TRIM11: variants seen among roughly 807,000 people sequenced by gnomAD.
The protein encoded by TRIM11 is tripartite motif containing 11.
In TRIM11, 15 loss-of-function variants were observed where a neutral mutation model predicts 33.4. The observed-to-expected ratio is 0.45, with a 90% CI of 0.30 to 0.69. The LOEUF is 0.69. TRIM11 is among the 30% of genes least tolerant of loss of function. The pLI, the probability that TRIM11 is intolerant of heterozygous loss-of-function variation, is 0.08. For missense variants in TRIM11, 499 were observed against 667.6 expected, an observed-to-expected ratio of 0.75 and a Z score of 2.78; for synonymous variants, 281 against 302.6, an observed-to-expected ratio of 0.93 and a Z score of 0.74.
rs975092952 is a variant in TRIM11 at position 228,401,294 on chromosome 1, C to T, written c.505-100G>A. ...AAGCCCACCCAGAGGCCTGGCTGCA[C>T]CCAACCCCACCCCCGGGGCCTGCTA... On this transcript the variant is annotated intron_variant, in intron 2 of 5. Transcript: ENST00000284551. This position sits in a 1 kb window ranked among gnomAD's most constrained non-coding sequence, Gnocchi z 6.1. 3.4e-5 allele frequency: 48 copies of T among 1,401,294 alleles called. No homozygotes were observed. Among genetic ancestry groups the T allele is most frequent in the Non-Finnish European group, 4.5e-5 (47 of 1,040,738 alleles). The allele number at this position is 1,401,294 out of a possible 1,614,324, so 86.8% of individuals were successfully genotyped here.
At chr1:228,396,330 C>A in intron 5 of TRIM11, 1 of 343,448 alleles carries the variant, frequency 2.9e-6, no homozygotes, top group Non-Finnish European at 5.3e-6. Context: ...TCCACAAAGA[C>A]ACCTAAACAG....
At position 228,395,546 on chromosome 1, in the gene TRIM11, T is replaced by C; in HGVS notation, c.860-294A>G. On this transcript the variant is annotated intron_variant, in intron 5 of 5. Transcript: ENST00000284551. This position sits in a 1 kb window ranked among gnomAD's most constrained non-coding sequence, Gnocchi z 4.8. Reference sequence around the variant, plus strand: ...TTTTTTTTTTTTTAAAGAGGCAGGGTCTTGCTCTGTGGCCCCAGGCTGCAG... The same window carrying C: ...TTTTTTTTTTTTTAAAGAGGCAGGGCCTTGCTCTGTGGCCCCAGGCTGCAG... 3.6e-6 allele frequency: 1 copy of C among 280,166 alleles called. No individual in the cohort carries two copies. Among genetic ancestry groups the C allele is most frequent in the Non-Finnish European group, 6.5e-6 (1 of 152,742 alleles). 17.4% of individuals were successfully genotyped at this position (280,166 alleles called of 1,614,324 possible). A position where few individuals can be genotyped will look rare whatever the true frequency, so the allele number is the denominator to read the frequency against.
intron 4 of TRIM11, 31 bp from the exon 5 acceptor site, chr1:228,397,078 T>C (rs1265538058): frequency 6.2e-7 from 1 of 1,613,794 alleles, no homozygotes. Context: ...GTTGTCGCCA[T>C]GGCCAACAGC....
chr1:228,405,766 T>G, intron 1 of TRIM11: 1 of 185,224 alleles, frequency 5.4e-6, no homozygotes. Context: ...ACCTCTGAGG[T>G]TCTCCCACTT....
Position 228,396,572 on chromosome 1 carries a change from G to C in TRIM11, c.859+375C>G. On this transcript the variant is annotated intron_variant, in intron 5 of 5. Coordinates refer to ENST00000284551, the MANE Select transcript of TRIM11 (RefSeq NM_145214.3). ...ATGCTCACATCTGCAGAGGCGCTGA[G>C]GGAACAGAAGTATGGGCAGCCCCTG... is the stretch of plus-strand genomic sequence containing the variant. 3 of 648,898 alleles carry C rather than the reference G, an allele frequency of 4.6e-6. No homozygotes were observed. In the South Asian group the frequency reaches 5.3e-5, roughly 12 times the overall value. 40.2% of individuals were successfully genotyped at this position (648,898 alleles called of 1,614,324 possible). A position where few individuals can be genotyped will look rare whatever the true frequency, so the allele number is the denominator to read the frequency against.
rs934126363 is a variant in TRIM11, at chr1:228,397,234, G to A, written c.736-69C>T. On this transcript the variant is annotated intron_variant, in intron 3 of 5. Transcript: ENST00000284551. Reference sequence around the variant, plus strand: ...CGCTTGCTCCTGGAGTCCCCTCCCCGCCCCTGGAGCCTCGCCCCGTCCCCC... The same window carrying A: ...CGCTTGCTCCTGGAGTCCCCTCCCCACCCCTGGAGCCTCGCCCCGTCCCCC... 55 of 1,478,020 alleles carry A rather than the reference G, an allele frequency of 3.7e-5. No homozygotes were observed. The East Asian group carries it at 4.3e-4, about 12-fold the overall frequency. The allele number at this position is 1,478,020 out of a possible 1,614,324, so 91.6% of individuals were successfully genotyped here. A position where few individuals can be genotyped will look rare whatever the true frequency, so the allele number is the denominator to read the frequency against.
At position 228,401,354 on chromosome 1, in the gene TRIM11, C is replaced by CA. The variant is rs1202631776; in HGVS notation, c.505-161dup. Among the ~76,000 whole-genome samples the CA allele has an allele frequency of 6.6e-6, 1 of 151,970 alleles. No homozygotes were observed. The highest frequency in any genetic ancestry group is 6.5e-5 in the Admixed American group (1 of 15,268). ...CACAGCACCAGGTGTGGCAGGACCC[C>CA]AAACCCACCACCTGGTGCTGGCCAG... On this transcript the variant is annotated intron_variant, in intron 2 of 5. Coordinates refer to ENST00000284551, the MANE Select transcript of TRIM11 (RefSeq NM_145214.3). This position sits in a 1 kb window ranked among gnomAD's most constrained non-coding sequence, Gnocchi z 6.1.
intron 3 of TRIM11, among the ~76,000 whole-genome samples, chr1:228,399,375 C>T (rs960595172): frequency 1.2e-4 from 18 of 152,190 alleles, no homozygotes; most frequent in Admixed American, 1.0e-3. Flanking sequence ...CAAACCTGGG[C>T]AGGGAGCTTG....
chr1:228,396,813 C>T (rs1366779476), intron 5 of TRIM11, 134 bp downstream of exon 5: 2 of 835,224 alleles, frequency 2.4e-6, no homozygotes, highest in Admixed American at 3.8e-5. Flanking sequence ...AGGACGTTTT[C>T]CCAACAACCC....
chr1:228,400,930 T>C lies in TRIM11; in HGVS notation c.735+34A>G. The C allele has an allele frequency of 6.6e-7, 1 of 1,509,268 alleles. No homozygotes were observed. Among genetic ancestry groups the C allele is most frequent in the Non-Finnish European group, 8.8e-7 (1 of 1,131,242 alleles). 93.5% of individuals were successfully genotyped at this position (1,509,268 alleles called of 1,614,324 possible). ...CCCCAGTGTGGCCAGGCCATGCCCG[T>C]GTGGCCACCATGGCTGCTCCCCGCC... On this transcript the variant is annotated intron_variant, in intron 3 of 5. Transcript: ENST00000284551. This position sits in a 1 kb window ranked among gnomAD's most constrained non-coding sequence, Gnocchi z 4.5.
rs894340523 is a variant in TRIM11 at position 228,402,256 on chromosome 1, T to G, written c.409-95A>C. On this transcript the variant is annotated intron_variant, in intron 1 of 5. Coordinates refer to ENST00000284551, the MANE Select transcript of TRIM11 (RefSeq NM_145214.3). ...CACCCTGTCCCCTCCTCAAAGACAA[T>G]GGGGACAAACTGAAATCTGCCTGGT... The G allele has an allele frequency of 1.0e-5, 9 of 875,940 alleles. No homozygotes were observed. The Admixed American group carries it at 2.4e-4, about 23-fold the overall frequency. The allele number at this position is 875,940 out of a possible 1,614,324, so 54.3% of individuals were successfully genotyped here. A position where few individuals can be genotyped will look rare whatever the true frequency, so the allele number is the denominator to read the frequency against.
Position 228,406,112 on chromosome 1 carries a change from G to T in TRIM11, c.408+42C>A. The stretch of plus-strand genomic sequence containing the variant: ...ACCCGCCCAGGCCTCCCCAGTCCCC[G>T]GCTCCCCGACGCCCCTGCACGCCAC... On this transcript the variant is annotated intron_variant, in intron 1 of 5. Transcript: ENST00000284551. The surrounding 1 kb of genome is among the most constrained non-coding windows in gnomAD (Gnocchi z 8.2). The T allele has an allele frequency of 2.1e-6, 1 of 474,846 alleles. No homozygotes were observed. Among genetic ancestry groups the T allele is most frequent in the South Asian group, 3.4e-5 (1 of 29,754 alleles). The allele number at this position is 474,846 out of a possible 1,614,324, so 29.4% of individuals were successfully genotyped here. A position where few individuals can be genotyped will look rare whatever the true frequency, so the allele number is the denominator to read the frequency against.
Position 228,406,797 on chromosome 1 carries a change from G to T in TRIM11, c.-236C>A, listed in dbSNP as rs981299696. On this transcript the variant is annotated 5_prime_UTR_variant, in exon 1 of 6. Transcript: ENST00000284551. This position sits in a 1 kb window ranked among gnomAD's most constrained non-coding sequence, Gnocchi z 8.2. ...TCCGAGCGCTCGGGGGACGCGGGAC[G>T]TAGGGATCCCGGATGCCGGCAGGAA... 6.2e-6 allele frequency: 2 copies of T among 324,124 alleles called. No individual in the cohort carries two copies. The highest frequency in any genetic ancestry group is 1.1e-5 in the Non-Finnish European group (2 of 180,180). The allele number at this position is 324,124 out of a possible 1,614,324, so 20.1% of individuals were successfully genotyped here.
Position 228,403,102 on chromosome 1 carries a change from C to G in TRIM11, c.409-941G>C, listed in dbSNP as rs533108973. 1.3e-5 allele frequency: 2 copies of G among 152,344 alleles called. No individual in the cohort carries two copies. Among genetic ancestry groups the G allele is most frequent in the Admixed American group, 6.5e-5 (1 of 15,302 alleles). The allele number at this position is 152,344 out of a possible 1,614,324, so 9.4% of individuals were successfully genotyped here. On this transcript the variant is annotated intron_variant, in intron 1 of 5. Coordinates refer to ENST00000284551, the MANE Select transcript of TRIM11 (RefSeq NM_145214.3). The surrounding 1 kb of genome is among the most constrained non-coding windows in gnomAD (Gnocchi z 4.8). ...CCCACGGTTCCTCATGCTGTGCATA[C>G]CAGGAAGCAGTGAAAATCCTGTACA...
intron 3 of TRIM11, among the ~76,000 whole-genome samples, chr1:228,398,394 G>C (rs2075004383): frequency 6.6e-6 from 1 of 152,162 alleles, no homozygotes; most frequent in African/African-American, 2.4e-5. Context: ...AAGGCAGGCA[G>C]ATCACTTGAG....
Position 228,406,104 on chromosome 1 carries a change from C to T in TRIM11, c.408+50G>A. 1 of 1,339,068 alleles carries T rather than the reference C, an allele frequency of 7.5e-7. No homozygotes were observed. Among genetic ancestry groups the T allele is most frequent in the Non-Finnish European group, 9.5e-7 (1 of 1,049,460 alleles). The allele number at this position is 1,339,068 out of a possible 1,614,324, so 82.9% of individuals were successfully genotyped here. A position where few individuals can be genotyped will look rare whatever the true frequency, so the allele number is the denominator to read the frequency against. On this transcript the variant is annotated intron_variant, in intron 1 of 5. Transcript: ENST00000284551. The surrounding 1 kb of genome is among the most constrained non-coding windows in gnomAD (Gnocchi z 8.2). ...AACCTCCCACCCGCCCAGGCCTCCC[C>T]AGTCCCCGGCTCCCCGACGCCCCTG...
At position 228,395,596 on chromosome 1, in the gene TRIM11, T is replaced by C. The variant is rs1285475736; in HGVS notation, c.860-344A>G. 2 of 202,144 alleles carry C rather than the reference T, an allele frequency of 9.9e-6. No individual in the cohort carries two copies. Among genetic ancestry groups the C allele is most frequent in the Non-Finnish European group, 2.0e-5 (2 of 101,608 alleles). The allele number at this position is 202,144 out of a possible 1,614,324, so 12.5% of individuals were successfully genotyped here. A position where few individuals can be genotyped will look rare whatever the true frequency, so the allele number is the denominator to read the frequency against. ...GTGCAGTGGTGCGATCATGGCTCACTGCAGCCTTGATCTCCTGGGCTCAAA... is the reference window on the plus strand; with the variant it reads ...GTGCAGTGGTGCGATCATGGCTCACCGCAGCCTTGATCTCCTGGGCTCAAA... On this transcript the variant is annotated intron_variant, in intron 5 of 5. Transcript: ENST00000284551. The surrounding 1 kb of genome is among the most constrained non-coding windows in gnomAD (Gnocchi z 4.8).
rs1051587161 is a variant in TRIM11 at position 228,401,080 on chromosome 1, C to G, written c.619G>C (p.Val207Leu). The G allele has an allele frequency of 6.2e-7, 1 of 1,613,366 alleles. No homozygotes were observed. Among genetic ancestry groups the G allele is most frequent in the African/African-American group, 1.3e-5 (1 of 75,054 alleles). Reference protein sequence around the residue: ...LQRLEEEELEVLPRLREGAAH... With the variant: ...LQRLEEEELELLPRLREGAAH... ...GCGCCCTCCCGCAGCCGGGGCAGCA[C>G]CTCCAGCTCCTCCTCCTCCAGCCTC... is the stretch of plus-strand genomic sequence containing the variant. Residue 207 changes from valine (V) to leucine (L), a missense_variant, in exon 3 of 6, where the codon GTG (valine) becomes CTG (leucine). Physicochemically the swap from Val to Leu is conservative, Grantham distance 32 (BLOSUM62 1). Coordinates refer to ENST00000284551, the MANE Select transcript of TRIM11 (RefSeq NM_145214.3). The surrounding 1 kb of genome is among the most constrained non-coding windows in gnomAD (Gnocchi z 6.1).
chr1:228,398,870 C>T (rs565426648), intron 3 of TRIM11, among the ~76,000 whole-genome samples: 51 of 152,060 alleles, frequency 3.4e-4, no homozygotes, highest in South Asian at 1.7e-3. Flanking sequence ...GGTGCAGGGG[C>T]GGCAGGAGAA....
Sources: allele counts gnomAD v4.1 joint callset (sites outside exome capture counted in the v4.1 genomes callset), GRCh38; gene constraint gnomAD v4.1.1; non-coding constraint Gnocchi (gnomAD v3.1); transcripts MANE v1.5; gene names NCBI Gene and HGNC (gene_info 2026-07-23, HGNC 2026-07-21).